Variants in GSDMD observed in about 807,000 individuals in gnomAD.
GSDMD encodes the protein gasdermin D.
In GSDMD, 46 loss-of-function variants were observed where a neutral mutation model predicts 46.7. The observed-to-expected ratio is 0.99, with a 90% CI of 0.78 to 1.26. GSDMD has a LOEUF of 1.26. Among genes scored for constraint, GSDMD ranks in the 50% most tolerant of loss-of-function variants. GSDMD has a pLI of 0.00. For missense variants in GSDMD, 649 were observed against 638.8 expected, an observed-to-expected ratio of 1.02 and a Z score of -0.17; for synonymous variants, 307 against 283.1, an observed-to-expected ratio of 1.08 and a Z score of -0.85.
chr8:143,557,430 C>A (rs77259924), upstream of GSDMD, among the ~76,000 whole-genome samples: 400 of 150,970 alleles, frequency 2.6e-3, no homozygotes, highest in Admixed American at 3.6e-3. Flanking sequence ...GCGAAGGATG[C>A]TGCCGCTGTG....
rs1335475894 is a variant in GSDMD at position 143,562,350 on chromosome 8, A to C, written c.1138A>C (p.Met380Leu). 2 of 1,201,250 alleles carry C rather than the reference A, an allele frequency of 1.7e-6. No individual in the cohort carries two copies. Among genetic ancestry groups the C allele is most frequent in the African/African-American group, 3.8e-5 (2 of 52,588 alleles). 74.4% of individuals were successfully genotyped at this position (1,201,250 alleles called of 1,614,324 possible). A position where few individuals can be genotyped will look rare whatever the true frequency, so the allele number is the denominator to read the frequency against. Residue 380 changes from methionine to leucine, a missense_variant and splice_region_variant, in exon 9 of 11, where the codon ATG becomes CTG. Coordinates refer to ENST00000262580, the MANE Select transcript of GSDMD (RefSeq NM_024736.7). ...TGTCTACCTGCTGGGGGCACTGACC[A>C]GTGAGCGGCCGCTGGGGGCAGGTGG... ...PVVYLLGALT[M>L]LSETQHKLLA...
At position 143,562,221 on chromosome 8, in the gene GSDMD, C is replaced by T; in HGVS notation, c.1009C>T (p.Gln337Ter). 1 of 1,573,820 alleles carries T rather than the reference C, an allele frequency of 6.4e-7. No homozygotes were observed. The highest frequency in any genetic ancestry group is 1.1e-5 in the South Asian group (1 of 87,802). Reference protein sequence around the residue: ...RALEEALEQGQSLGPVEPLDG... With the variant: ...RALEEALEQG ...CCCGTGCCCACAGCTGGAGCAGGGC[C>T]AGAGCCTTGGGCCGGTGGAGCCCCT... The change falls in exon 9 of 11, where the codon CAG becomes TAG. Residue 337 changes from glutamine (Q) to a stop codon, truncating the protein, a stop_gained. Transcript: ENST00000262580. LOFTEE classifies it high-confidence loss of function.
rs1239050843 is a variant in GSDMD, at chr8:143,560,767, T to C, written c.575T>C (p.Leu192Ser). 3 of 1,542,772 alleles carry C rather than the reference T, an allele frequency of 1.9e-6. No homozygotes were observed. The highest frequency in any genetic ancestry group is 2.0e-5 in the Admixed American group (1 of 50,098). Residue 192 changes from leucine to serine, a missense_variant, in exon 4 of 11, where the codon TTG (leucine) becomes TCG (serine). Leu to Ser is a moderately radical substitution (Grantham distance 145, BLOSUM62 -2). Transcript: ENST00000262580. ...GRFSLPGATC[L>S]QGEGQGHLSQ... ...TTTTCCCTGCCCGGAGCCACGTGCTTGCAGGTGTGTAGCCAGCCCCGGGCC... is the reference window on the plus strand; with the variant it reads ...TTTTCCCTGCCCGGAGCCACGTGCTCGCAGGTGTGTAGCCAGCCCCGGGCC...
At chr8:143,560,026 T>TTTTA (rs750513797) in intron 3 of GSDMD, 57 bp downstream of exon 3, 9 of 1,285,018 alleles carry the variant, frequency 7.0e-6, no homozygotes, top group Admixed American at 3.9e-5. Context: ...GCAACCCTGC[T>TTTTA]TTTATTTATT....
chr8:143,559,121 C>G, intron 1 of GSDMD: 2 of 600,814 alleles, frequency 3.3e-6, no homozygotes, highest in South Asian at 2.0e-5. Context: ...CTCATGGTAC[C>G]GTAGACAACA....
chr8:143,562,283 G>T lies in GSDMD; in HGVS notation c.1071G>T (p.Val357=). The change falls in exon 9 of 11, where the codon GTG becomes GTT. Residue 357 remains valine, a synonymous_variant. Coordinates refer to ENST00000262580, the MANE Select transcript of GSDMD (RefSeq NM_024736.7). ...GPAGAVLECL[V]LSSGMLVPEL... is the part of the protein sequence containing the mutation. ...CAGGTGCTGTCCTGGAGTGCCTGGTGTTGTCCTCCGGAATGCTGGTGCCGG... is the reference window on the plus strand; with the variant it reads ...CAGGTGCTGTCCTGGAGTGCCTGGTTTTGTCCTCCGGAATGCTGGTGCCGG... The T allele has an allele frequency of 6.4e-7, 1 of 1,553,900 alleles. No individual in the cohort carries two copies.
At chr8:143,557,874 G>A (rs550612292), upstream of GSDMD, 7 of 424,052 alleles carry the variant, frequency 1.7e-5, no homozygotes, top group South Asian at 3.5e-5. Context: ...CAGACCCTTC[G>A]GCACAGGCCC....
chr8:143,561,478 G>A, intron 6 of GSDMD, 55 bp downstream of exon 6: 2 of 1,528,976 alleles, frequency 1.3e-6, no homozygotes, highest in Non-Finnish European at 1.8e-6. Flanking sequence ...CACACTCCCT[G>A]GGCAGTTGAG....
chr8:143,554,945 C>T, upstream of GSDMD: 1 of 152,288 alleles, frequency 6.6e-6, no homozygotes, highest in Admixed American at 6.5e-5. Flanking sequence ...CCCTAGGTGC[C>T]CATCACCAGC....
rs899229956 is a variant in GSDMD, at chr8:143,558,358, T to C, written c.-98T>C. 6.6e-7 allele frequency: 1 copy of C among 1,524,762 alleles called. No individual in the cohort carries two copies. Among genetic ancestry groups the C allele is most frequent in the African/African-American group, 1.4e-5 (1 of 71,678 alleles). The allele number at this position is 1,524,762 out of a possible 1,614,324, so 94.5% of individuals were successfully genotyped here. A position where few individuals can be genotyped will look rare whatever the true frequency, so the allele number is the denominator to read the frequency against. On this transcript the variant is annotated 5_prime_UTR_variant, in exon 1 of 11. Transcript: ENST00000262580. ...CCTGCGTCAGGTTGCAGTTTCACTT[T>C]TAGCTCTGGGCACCTCCAGCTCCTG...
At position 143,561,358 on chromosome 8, in the gene GSDMD, T is replaced by C. The variant is rs202104158; in HGVS notation, c.683-12T>C. 1.2e-4 allele frequency: 190 copies of C among 1,601,424 alleles called. No individual in the cohort carries two copies. The highest frequency in any genetic ancestry group is 1.6e-4 in the Non-Finnish European group (185 of 1,173,904). On this transcript the variant is annotated splice_polypyrimidine_tract_variant and intron_variant, in intron 5 of 10. Coordinates refer to ENST00000262580, the MANE Select transcript of GSDMD (RefSeq NM_024736.7). ...ACATGCCTGTCCCTGTCTGCTCCCG[T>C]CTGGCTGCCAGACGTCCTTCTCTTC...
Position 143,559,380 on chromosome 8 carries a change from G to C in GSDMD, c.45G>C (p.Glu15Asp). The C allele has an allele frequency of 6.2e-7, 1 of 1,612,834 alleles. No individual in the cohort carries two copies. The change falls in exon 2 of 11, where the codon GAG (glutamate) becomes GAC (aspartate). Residue 15 changes from glutamate (E) to aspartate (D), a missense_variant. Transcript: ENST00000262580. The stretch of plus-strand genomic sequence containing the variant: ...GGGTAGTCCGGAGAGTGGTCCAGGA[G>C]CTGGACCATGGTGGGGAGTTCATCC... Reference protein sequence around the residue: ...FERVVRRVVQELDHGGEFIPV... With the variant: ...FERVVRRVVQDLDHGGEFIPV...
At chr8:143,558,489 A>T in intron 1 of GSDMD, 38 bp downstream of exon 1, 1 of 1,434,012 alleles carries the variant, frequency 7.0e-7, no homozygotes, top group Non-Finnish European at 9.1e-7. Flanking sequence ...GCCTGGCTGG[A>T]GCTCCCGAGT....
At chr8:143,558,210 CCAAGCCAA>C, upstream of GSDMD, 1 of 1,074,776 alleles carries the variant, frequency 9.3e-7, no homozygotes, top group South Asian at 1.7e-5. Flanking sequence ...GGATGGGGCG[CCAAGCCAA>C]GGTTCCTCCG....
Position 143,558,410 on chromosome 8 carries a change from A to G in GSDMD, c.-46A>G. ...TCGCCGGACGGCTCCCAGGGAGAGCAGACGCGCCAGACGCGCCACCCTCGG... is the reference window on the plus strand; with the variant it reads ...TCGCCGGACGGCTCCCAGGGAGAGCGGACGCGCCAGACGCGCCACCCTCGG... On this transcript the variant is annotated 5_prime_UTR_variant, in exon 1 of 11. Transcript: ENST00000262580. 6.6e-7 allele frequency: 1 copy of G among 1,508,136 alleles called. No homozygotes were observed. The highest frequency in any genetic ancestry group is 2.1e-5 in the Admixed American group (1 of 47,812). The allele number at this position is 1,508,136 out of a possible 1,614,324, so 93.4% of individuals were successfully genotyped here.
At position 143,562,302 on chromosome 8, in the gene GSDMD, G is replaced by A. The variant is rs761458756; in HGVS notation, c.1090G>A (p.Val364Met). ...CCTGGTGTTGTCCTCCGGAATGCTG[G>A]TGCCGGAACTCGCTATCCCTGTTGT... ...ECLVLSSGMLVPELAIPVVYL... is the reference protein window; with the variant it reads ...ECLVLSSGMLMPELAIPVVYL... The change falls in exon 9 of 11, where the codon GTG becomes ATG. Residue 364 changes from valine to methionine, a missense_variant. Physicochemically the swap from Val to Met is conservative, Grantham distance 21. Coordinates refer to ENST00000262580, the MANE Select transcript of GSDMD (RefSeq NM_024736.7). 3 of 1,555,110 alleles carry A rather than the reference G, an allele frequency of 1.9e-6. No homozygotes were observed. Among genetic ancestry groups the A allele is most frequent in the East Asian group, 4.8e-5 (2 of 41,776 alleles).
At position 143,562,199 on chromosome 8, in the gene GSDMD, G is replaced by A. The variant is rs367679909; in HGVS notation, c.997-10G>A. On this transcript the variant is annotated splice_polypyrimidine_tract_variant and intron_variant, in intron 8 of 10. Transcript: ENST00000262580. ...CCAGCCAGACTCACCTGCCCTTCCC[G>A]TGCCCACAGCTGGAGCAGGGCCAGA... is the stretch of plus-strand genomic sequence containing the variant. The A allele has an allele frequency of 2.2e-4, 346 of 1,584,494 alleles. No individual in the cohort carries two copies. Among genetic ancestry groups the A allele is most frequent in the Non-Finnish European group, 2.6e-4 (300 of 1,171,836 alleles).
At chr8:143,560,891 G>T (rs1429449628) in intron 4 of GSDMD, 111 bp from the exon 5 acceptor site, 4 of 1,436,826 alleles carry the variant, frequency 2.8e-6, no homozygotes, top group Non-Finnish European at 3.7e-6. Flanking sequence ...CCTGCGCTTG[G>T]CTGCGGAGCC....
At chr8:143,560,956 C>T (rs376015326) in intron 4 of GSDMD, 46 bp from the exon 5 acceptor site, 33 of 1,578,790 alleles carry the variant, frequency 2.1e-5, no homozygotes, top group Middle Eastern at 3.3e-4. Flanking sequence ...CCGCACCCCA[C>T]GGCCCGGTGC....
Sources: gnomAD v4.1 joint callset for allele counts (sites outside exome capture counted in the v4.1 genomes callset) on GRCh38, gnomAD v4.1.1 for gene constraint, MANE v1.5 for transcripts, NCBI Gene and HGNC (gene_info 2026-07-23, HGNC 2026-07-21) for gene names.